Variants in C1RL observed in about 807,000 individuals in gnomAD.
C1RL encodes the protein complement C1r subcomponent-like protein.
C1RL carries 27 observed loss-of-function variants against 27.9 expected under a neutral mutation model. That is an observed-to-expected ratio of 0.97 (90% CI 0.71 to 1.33). C1RL has a LOEUF of 1.33. Among genes scored for constraint, C1RL ranks in the 40% most tolerant of loss-of-function variants. The pLI, the probability that C1RL is intolerant of heterozygous loss-of-function variation, is 0.00. For synonymous variants in C1RL, 248 were observed against 252.1 expected (o/e 0.98, Z 0.15); for missense variants, 563 against 623.9 (o/e 0.90, Z 1.04).
At chr12:7,106,062 G>T (rs1266677731) in intron 2 of C1RL, among the ~76,000 whole-genome samples, 1 of 152,170 alleles carries the variant, frequency 6.6e-6, no homozygotes. Flanking sequence ...GATTAAAAGA[G>T]GCTCTAGATT....
chr12:7,102,643 C>T (rs1938658838), intron 2 of C1RL, among the ~76,000 whole-genome samples: 1 of 152,196 alleles, frequency 6.6e-6, no homozygotes, highest in African/African-American at 2.4e-5. Flanking sequence ...CCTCTGGGGT[C>T]CCTGCCTTTT....
Sources: gnomAD v4.1 joint callset for allele counts (sites outside exome capture counted in the v4.1 genomes callset) on GRCh38, gnomAD v4.1.1 for gene constraint, MANE v1.5 for transcripts, NCBI Gene and HGNC (gene_info 2026-07-23, HGNC 2026-07-21) for gene names.